The following SAMHD1 variants were observed in gnomAD, a reference collection of about 807,000 sequenced individuals.
The protein encoded by SAMHD1 is SAM and HD domain containing deoxynucleoside triphosphate triphosphohydrolase 1.
Under a neutral mutation model 79.6 loss-of-function variants are expected in SAMHD1, and 54 were observed. The observed-to-expected ratio is 0.68, with a 90% confidence interval of 0.55 to 0.85. The LOEUF (loss-of-function observed/expected upper bound fraction) is 0.85. Among genes scored for constraint, SAMHD1 ranks in the 40% least tolerant of loss-of-function variants. SAMHD1 has a pLI of 0.00. For synonymous variants in SAMHD1, 260 were observed against 264.1 expected, an observed-to-expected ratio of 0.98 and a Z score of 0.15; for missense variants, 663 against 782.7, an observed-to-expected ratio of 0.85 and a Z score of 1.82.
intron 12 of SAMHD1, 41 bp from the exon 13 acceptor site, chr20:36,904,290 A>G: frequency 2.9e-6 from 4 of 1,386,368 alleles, no homozygotes; most frequent in South Asian, 2.3e-5. Context: ...TCCATTTTTC[A>G]TCAAGTCTTT....
At chr20:36,894,492 C>A (rs372208083) in intron 15 of SAMHD1, among the ~76,000 whole-genome samples, 1 of 149,982 alleles carries the variant, frequency 6.7e-6, no homozygotes, top group Non-Finnish European at 1.5e-5. Flanking sequence ...TTAGGCCAGG[C>A]GTGGTGGTTC....
At chr20:36,899,865 G>A (rs531986939) in intron 13 of SAMHD1, among the ~76,000 whole-genome samples, 1 of 152,312 alleles carries the variant, frequency 6.6e-6, no homozygotes, top group African/African-American at 2.4e-5. Flanking sequence ...GGAGGCCGAA[G>A]CCAGCGGATC....
chr20:36,942,703 G>C (rs8121462), intron 2 of SAMHD1, among the ~76,000 whole-genome samples: 2 of 151,670 alleles, frequency 1.3e-5, no homozygotes, highest in Non-Finnish European at 2.9e-5. Context: ...CTGGAGTGCA[G>C]TGACGTGATC....
At chr20:36,942,375 G>A (rs889321309) in intron 2 of SAMHD1, among the ~76,000 whole-genome samples, 5 of 152,096 alleles carry the variant, frequency 3.3e-5, no homozygotes, top group East Asian at 3.9e-4. Context: ...CCGAGATGGC[G>A]CCATTGCACT....
chr20:36,905,449 C>A lies in SAMHD1; in HGVS notation c.1325G>T (p.Arg442Leu), dbSNP rs775762131. 6.2e-7 allele frequency: 1 copy of A among 1,613,562 alleles called. No individual in the cohort carries two copies. The highest frequency in any genetic ancestry group is 2.2e-5 in the East Asian group (1 of 44,866). The change falls in exon 12 of 16, where the codon CGA becomes CTA. Residue 442 changes from arginine to leucine, a missense_variant. Transcript: ENST00000646673. ...YSTDPKLKDA[R>L]EILKQIEYRN... ...GTATTCAATTTGTTTTAAAATCTCTCGTGCGTCTTTCAATTTGGGATCAGT... is the reference window on the plus strand; with the variant it reads ...GTATTCAATTTGTTTTAAAATCTCTAGTGCGTCTTTCAATTTGGGATCAGT...
intron 11 of SAMHD1, among the ~76,000 whole-genome samples, chr20:36,907,603 G>A (rs1299169202): frequency 4.2e-5 from 6 of 141,406 alleles, no homozygotes; most frequent in Admixed American, 7.5e-5. Flanking sequence ...GCAATGGTGC[G>A]ATCTCAGCTC....
At chr20:36,912,891 T>TTG (rs2063452518) in intron 9 of SAMHD1, among the ~76,000 whole-genome samples, 1 of 125,224 alleles carries the variant, frequency 8.0e-6, no homozygotes, top group African/African-American at 3.5e-5. Context: ...CATTCTTTGT[T>TTG]TTTTTTTTTT....
Position 36,951,689 on chromosome 20 carries a change from GACCCGCGCGCAGGCGC to G in SAMHD1, c.-62_-47del, listed in dbSNP as rs750272404. On this transcript the variant is annotated 5_prime_UTR_variant, in exon 1 of 16. Transcript: ENST00000646673. ...ACAGCAGTCAAGAACCTCGGCGCCGGACCCGCGCGCAGGCGCACTGACAGCAGGGCCCTGGCGGGGA... is the reference window on the plus strand; with the variant it reads ...ACAGCAGTCAAGAACCTCGGCGCCGGACTGACAGCAGGGCCCTGGCGGGGA... The G allele has an allele frequency of 1.2e-6, 2 of 1,609,642 alleles. No homozygotes were observed. The highest frequency in any genetic ancestry group is 1.7e-6 in the Non-Finnish European group (2 of 1,179,820).
chr20:36,946,821 A>G lies in SAMHD1; in HGVS notation c.209-17T>C. ...TTTCATTTTCTATGGAAGAAAAAAG[A>G]CAAATTCAATGTATACAACATATGC... is the stretch of plus-strand genomic sequence containing the variant. On this transcript the variant is annotated splice_polypyrimidine_tract_variant and intron_variant, in intron 1 of 15. Transcript: ENST00000646673. 6.3e-7 allele frequency: 1 copy of G among 1,594,320 alleles called. No individual in the cohort carries two copies. The highest frequency in any genetic ancestry group is 1.1e-5 in the South Asian group (1 of 89,748).
intron 15 of SAMHD1, 73 bp downstream of exon 15, chr20:36,897,749 C>A: frequency 6.5e-7 from 1 of 1,541,504 alleles, no homozygotes; most frequent in Non-Finnish European, 9.0e-7. Flanking sequence ...AACTTTTCAG[C>A]AGATAGACTT....
chr20:36,947,405 GGTGT>G (rs771698070), intron 1 of SAMHD1, among the ~76,000 whole-genome samples: 652 of 29,084 alleles, frequency 0.022, 31 homozygotes, highest in East Asian at 0.035. Flanking sequence ...ATTTGGAAGA[GGTGT>G]GTGTGTGTGT....
intron 4 of SAMHD1, among the ~76,000 whole-genome samples, chr20:36,931,374 G>A (rs1316013694): frequency 1.4e-4 from 22 of 152,178 alleles, no homozygotes; most frequent in Admixed American, 1.1e-3. Flanking sequence ...AGGGGCTCAC[G>A]CCTGTAATCC....
intron 11 of SAMHD1, among the ~76,000 whole-genome samples, chr20:36,906,572 G>A (rs1464265618): frequency 6.6e-6 from 1 of 152,196 alleles, no homozygotes; most frequent in East Asian, 1.9e-4. Context: ...GATAACTGTT[G>A]AAGCTAAGTG....
At chr20:36,939,907 G>A (rs761856998) in intron 3 of SAMHD1, among the ~76,000 whole-genome samples, 16 of 152,070 alleles carry the variant, frequency 1.1e-4, no homozygotes, top group South Asian at 2.1e-4. Context: ...AAGAGCTTGT[G>A]AAAAATGCAC....
At chr20:36,936,822 G>C (rs900931265) in intron 3 of SAMHD1, among the ~76,000 whole-genome samples, 3 of 151,924 alleles carry the variant, frequency 2.0e-5, no homozygotes, top group Admixed American at 2.0e-4. Flanking sequence ...TACCACGCCT[G>C]GCTAATTTTT....
At chr20:36,916,853 A>G in intron 8 of SAMHD1, 23 bp from the exon 9 acceptor site, 1 of 1,605,206 alleles carries the variant, frequency 6.2e-7, no homozygotes, top group Non-Finnish European at 8.5e-7. Flanking sequence ...CAAAACAGAG[A>G]GATGAAATTT....
rs139859459 is a variant in SAMHD1, at chr20:36,898,143, C to T, written c.1609-184G>A. 4.5e-4 allele frequency among the ~76,000 whole-genome samples: 68 copies of T among 152,256 alleles called. 1 individual carries two copies. In the East Asian group the frequency reaches 0.013, roughly 29 times the overall value. On this transcript the variant is annotated intron_variant, in intron 14 of 15. Transcript: ENST00000646673. ...ACCTCCCAGGCACAAGTGATCCTCC[C>T]ACCTCAGCCTCCTAAGTAGTTGGAA...
chr20:36,914,413 C>T (rs2063463680), intron 9 of SAMHD1, among the ~76,000 whole-genome samples: 1 of 151,988 alleles, frequency 6.6e-6, no homozygotes, highest in Non-Finnish European at 1.5e-5. Flanking sequence ...TGCAGTGGCG[C>T]AATCTCGGCT....
intron 9 of SAMHD1, among the ~76,000 whole-genome samples, chr20:36,915,432 T>C (rs1305422852): frequency 2.0e-5 from 3 of 152,146 alleles, no homozygotes; most frequent in Non-Finnish European, 4.4e-5. Flanking sequence ...GTTAAGTTTT[T>C]GGGAAGTCAA....
Sources: allele counts gnomAD v4.1 joint callset (sites outside exome capture counted in the v4.1 genomes callset), GRCh38; gene constraint gnomAD v4.1.1; transcripts MANE v1.5; gene names NCBI Gene and HGNC (gene_info 2026-07-23, HGNC 2026-07-21).